The following CACNA1G variants were observed in gnomAD, a reference collection of about 807,000 sequenced individuals.
CACNA1G encodes the protein calcium voltage-gated channel subunit alpha1 G.
In CACNA1G, 67 loss-of-function variants were observed where a neutral mutation model predicts 219.4. The ratio of observed to expected loss-of-function variants is 0.31; its 90% CI spans 0.25 to 0.37. The LOEUF (loss-of-function observed/expected upper bound fraction) is 0.37, where lower values mean the gene tolerates loss of function less well. CACNA1G is among the 10% of genes least tolerant of loss of function. The probability of loss-of-function intolerance (pLI) is 1.00; values close to 1 mark genes in which losing one functional copy is unlikely to be tolerated. For synonymous variants in CACNA1G, 1,296 were observed against 1,345.3 expected (o/e 0.96, Z 0.80); for missense variants, 2,380 against 3,231.4 (o/e 0.74, Z 6.39).
rs1318460547 is a variant in CACNA1G at position 50,571,128 on chromosome 17, G to A, written c.587-750G>A. 6.6e-6 allele frequency among the ~76,000 whole-genome samples: 1 copy of A among 152,196 alleles called. No individual in the cohort carries two copies. Among genetic ancestry groups the A allele is most frequent in the Non-Finnish European group, 1.5e-5 (1 of 68,040 alleles). On this transcript the variant is annotated intron_variant, in intron 4 of 37. Coordinates refer to ENST00000359106, the MANE Select transcript of CACNA1G (RefSeq NM_018896.5). The surrounding 1 kb of genome is among the most constrained non-coding windows in gnomAD (Gnocchi z 4.3). ...AGGGGGTTTCAGTGGCTTTCCCTAT[G>A]GAGGGGGTTGTAAATTGATGGACTT...
Position 50,596,968 on chromosome 17 carries a change from G to A in CACNA1G, c.3258+45G>A, listed in dbSNP as rs1477120496. 1 of 1,455,710 alleles carries A rather than the reference G, an allele frequency of 6.9e-7. No individual in the cohort carries two copies. 90.2% of individuals were successfully genotyped at this position (1,455,710 alleles called of 1,614,324 possible). A position where few individuals can be genotyped will look rare whatever the true frequency, so the allele number is the denominator to read the frequency against. ...ACCCTGATGGTGGGAGATATTCCAA[G>A]GAGGACAGGAGGAAGAGAGGATGGA... On this transcript the variant is annotated intron_variant, in intron 16 of 37. Transcript: ENST00000359106. This position sits in a 1 kb window ranked among gnomAD's most constrained non-coding sequence, Gnocchi z 4.8.
At chr17:50,591,248 C>T (rs1164930131) in intron 10 of CACNA1G, among the ~76,000 whole-genome samples, 187 bp from the exon 11 acceptor site, 3 of 152,154 alleles carry the variant, frequency 2.0e-5, no homozygotes, top group East Asian at 3.9e-4. Flanking sequence ...CGGAGGGGGC[C>T]GGGGCTGTCA....
At chr17:50,568,521 A>G (rs770570407) in intron 1 of CACNA1G, among the ~76,000 whole-genome samples, 9 of 152,238 alleles carry the variant, frequency 5.9e-5, no homozygotes, top group Non-Finnish European at 1.0e-4. Flanking sequence ...TGAGGTAGGG[A>G]GAATAGGATT....
At chr17:50,616,618 G>A (rs2050661058) in intron 28 of CACNA1G, among the ~76,000 whole-genome samples, 1 of 152,178 alleles carries the variant, frequency 6.6e-6, no homozygotes, top group African/African-American at 2.4e-5. Context: ...GATGCTGGCA[G>A]CTAGAAATCA....
rs1487157251 is a variant in CACNA1G, at chr17:50,571,332, T to A, written c.587-546T>A. Among the ~76,000 whole-genome samples the A allele has an allele frequency of 6.6e-6, 1 of 152,238 alleles. No homozygotes were observed. The highest frequency in any genetic ancestry group is 1.5e-5 in the Non-Finnish European group (1 of 68,046). Reference sequence around the variant, plus strand: ...TGCTGTCATTCCTCCTGGAGTTCGCTGCCTCAGTTTCCCTAATGACTCTGG... The same window carrying A: ...TGCTGTCATTCCTCCTGGAGTTCGCAGCCTCAGTTTCCCTAATGACTCTGG... On this transcript the variant is annotated intron_variant, in intron 4 of 37. Coordinates refer to ENST00000359106, the MANE Select transcript of CACNA1G (RefSeq NM_018896.5). This position sits in a 1 kb window ranked among gnomAD's most constrained non-coding sequence, Gnocchi z 4.3.
chr17:50,589,261 A>G (rs897052645), intron 9 of CACNA1G, among the ~76,000 whole-genome samples: 1 of 151,728 alleles, frequency 6.6e-6, no homozygotes, highest in Admixed American at 6.6e-5. Flanking sequence ...GTGCCACACC[A>G]CCTAGACCCT....
intron 25 of CACNA1G, among the ~76,000 whole-genome samples, chr17:50,608,525 G>GATATATATATATAT (rs3063068): frequency 7.1e-6 from 1 of 141,736 alleles, no homozygotes; most frequent in African/African-American, 2.6e-5. Context: ...TTTCTACCAT[G>GATATATATATATAT]ATATATATAT....
chr17:50,624,747 G>A (rs1169814298), intron 37 of CACNA1G, among the ~76,000 whole-genome samples: 1 of 152,242 alleles, frequency 6.6e-6, no homozygotes, highest in African/African-American at 2.4e-5. Context: ...CACTGAGGAG[G>A]CCTGGAGACC....
chr17:50,576,920 T>C (rs1439663843), intron 8 of CACNA1G, among the ~76,000 whole-genome samples: 1 of 152,176 alleles, frequency 6.6e-6, no homozygotes, highest in East Asian at 1.9e-4. Context: ...GCTTGTCTGA[T>C]GGGTGACACT....
intron 26 of CACNA1G, among the ~76,000 whole-genome samples, chr17:50,614,871 C>T (rs546980199): frequency 8.5e-5 from 13 of 152,234 alleles, no homozygotes; most frequent in Non-Finnish European, 1.5e-4. Flanking sequence ...TTCCAATCTC[C>T]GGTTTTATCT....
intron 34 of CACNA1G, among the ~76,000 whole-genome samples, chr17:50,620,720 CAGA>C (rs969868890): frequency 6.6e-6 from 1 of 152,174 alleles, no homozygotes; most frequent in Non-Finnish European, 1.5e-5. Context: ...AGCCTGATCC[CAGA>C]AAAATGGACA....
At chr17:50,613,458 T>C (rs1292719694) in intron 26 of CACNA1G, among the ~76,000 whole-genome samples, 3 of 151,994 alleles carry the variant, frequency 2.0e-5, no homozygotes, top group South Asian at 2.1e-4. Flanking sequence ...CCCGGCTGAA[T>C]TGAAGCCCAC....
rs56872412 is a variant in CACNA1G at position 50,601,138 on chromosome 17, C to T, written c.3879C>T (p.Ile1293=). The part of the protein sequence containing the change: ...LVIIFLNCIT[I]AMERPKIDPH... ...TCATCTTCCTTAACTGCATCACCAT[C>T]GCCATGGAGCGCCCCAAAATTGACC... Residue 1293 remains isoleucine (I), a synonymous_variant, in exon 19 of 38, where the codon ATC becomes ATT. Coordinates refer to ENST00000359106, the MANE Select transcript of CACNA1G (RefSeq NM_018896.5). 11 of 1,613,818 alleles carry T rather than the reference C, an allele frequency of 6.8e-6. No individual in the cohort carries two copies. The highest frequency in any genetic ancestry group is 6.8e-6 in the Non-Finnish European group (8 of 1,179,872).
At chr17:50,590,781 C>T (rs2044138972) in intron 10 of CACNA1G, among the ~76,000 whole-genome samples, 159 bp downstream of exon 10, 1 of 152,132 alleles carries the variant, frequency 6.6e-6, no homozygotes, top group Non-Finnish European at 1.5e-5. Context: ...GGGGGGCTCT[C>T]TGTGTCCCCA....
At position 50,596,723 on chromosome 17, in the gene CACNA1G, C is replaced by T. The variant is rs571526702; in HGVS notation, c.3065-7C>T. The T allele has an allele frequency of 4.7e-5, 76 of 1,613,308 alleles. No individual in the cohort carries two copies. The highest frequency in any genetic ancestry group is 2.7e-4 in the East Asian group (12 of 44,832). On this transcript the variant is annotated splice_region_variant and splice_polypyrimidine_tract_variant and intron_variant, in intron 15 of 37. Coordinates refer to ENST00000359106, the MANE Select transcript of CACNA1G (RefSeq NM_018896.5). The surrounding 1 kb of genome is among the most constrained non-coding windows in gnomAD (Gnocchi z 4.8). ...GACTCGGGATCTCTCCCTCTCTCCC[C>T]GTGCAGTGGTGTCCCTGGGAGAGCA...
chr17:50,609,636 G>A (rs551764643), intron 25 of CACNA1G, among the ~76,000 whole-genome samples: 121 of 152,290 alleles, frequency 7.9e-4, no homozygotes, highest in Middle Eastern at 3.4e-3. Context: ...TCTGATGACC[G>A]GCTGCCTGCC....
At chr17:50,601,454 G>T (rs761747061) in intron 19 of CACNA1G, among the ~76,000 whole-genome samples, 12 of 152,140 alleles carry the variant, frequency 7.9e-5, no homozygotes, top group Non-Finnish European at 1.2e-4. Context: ...GGGCACACGC[G>T]TGAGTCGGGG....
chr17:50,567,603 CCAGGA>C, intron 1 of CACNA1G, among the ~76,000 whole-genome samples: 1 of 152,222 alleles, frequency 6.6e-6, no homozygotes, highest in Middle Eastern at 3.4e-3. Flanking sequence ...GTGGGTCATG[CCAGGA>C]GCTGCCACAA....
chr17:50,561,570 A>G lies in CACNA1G; in HGVS notation c.111A>G (p.Ala37=), dbSNP rs1218033803. ...GAGGRPGPGS[A]EKDPGSADSE... The stretch of plus-strand genomic sequence containing the variant: ...GGGGCCGGCCGGGGCCGGGGTCAGC[A>G]GAAAAGGACCCGGGCAGCGCGGACT... The change falls in exon 1 of 38, where the codon GCA becomes GCG. Residue 37 remains alanine, a synonymous_variant. Transcript: ENST00000359106. The G allele has an allele frequency of 1.9e-6, 3 of 1,553,108 alleles. No homozygotes were observed. The East Asian group carries it at 7.2e-5, about 37-fold the overall frequency.
Sources: allele counts gnomAD v4.1 joint callset (sites outside exome capture counted in the v4.1 genomes callset), GRCh38; gene constraint gnomAD v4.1.1; non-coding constraint Gnocchi (gnomAD v3.1); transcripts MANE v1.5; gene names NCBI Gene and HGNC (gene_info 2026-07-23, HGNC 2026-07-21).